The following PISD variants were observed in gnomAD, a reference collection of about 807,000 sequenced individuals.
PISD encodes phosphatidylserine decarboxylase, also known as phosphatidylserine decarboxylase proenzyme, mitochondrial.
A neutral mutation model predicts 43.5 loss-of-function variants in PISD; 31 were observed. The observed-to-expected ratio is 0.71, with a 90% confidence interval of 0.54 to 0.96. The LOEUF (loss-of-function observed/expected upper bound fraction) is 0.96, where lower values mean the gene tolerates loss of function less well. Among genes scored for constraint, PISD ranks in the 40% least tolerant of loss-of-function variants. The probability of loss-of-function intolerance (pLI) is 0.00; values close to 1 mark genes in which losing one functional copy is unlikely to be tolerated. For missense variants in PISD, 523 were observed against 548.4 expected, an observed-to-expected ratio of 0.95 and a Z score of 0.46; for synonymous variants, 259 against 228.7, an observed-to-expected ratio of 1.13 and a Z score of -1.20.
chr22:31,637,162 AAAATATATATATATATATAT>A lies in PISD; in HGVS notation c.321+10919_321+10938del, dbSNP rs1413325979. 2.8e-3 allele frequency among the ~76,000 whole-genome samples: 44 copies of A among 15,472 alleles called. 3 individuals are homozygous for A. The highest frequency in any genetic ancestry group is 9.5e-3 in the Admixed American group (13 of 1,374). The allele number at this position is 15,472 out of a possible 152,430, so 10.2% of individuals were successfully genotyped here. ...ATAAATTAAAAAAAAAAAAAAAAAA[AAAATATATATATATATATAT>A]ATATATATATATATATATATATATA... is the stretch of plus-strand genomic sequence containing the variant. On this transcript the variant is annotated intron_variant, in intron 3 of 7. Coordinates refer to ENST00000439502, the MANE Select transcript of PISD (RefSeq NM_001326411.2).
At chr22:31,620,412 A>G in intron 7 of PISD, 141 bp downstream of exon 7, 1 of 768,316 alleles carries the variant, frequency 1.3e-6, no homozygotes, top group Non-Finnish European at 2.1e-6. Flanking sequence ...TTCTCAGGAC[A>G]GCTGCTCAGC....
At chr22:31,645,641 G>A (rs2073863626) in intron 3 of PISD, among the ~76,000 whole-genome samples, 1 of 147,422 alleles carries the variant, frequency 6.8e-6, no homozygotes, top group African/African-American at 2.5e-5. Flanking sequence ...GCCTCCCAAA[G>A]TGCTGGGATT....
intron 3 of PISD, among the ~76,000 whole-genome samples, chr22:31,642,217 T>C (rs2073754720): frequency 6.6e-6 from 1 of 150,868 alleles, no homozygotes; most frequent in African/African-American, 2.5e-5. Flanking sequence ...TCCCAGCACT[T>C]TGGGAGGCCA....
chr22:31,634,774 G>A (rs989784446), intron 3 of PISD, among the ~76,000 whole-genome samples: 2 of 135,282 alleles, frequency 1.5e-5, no homozygotes, highest in African/African-American at 5.5e-5. Context: ...GGAAGCAGAG[G>A]TTGCAGTGAG....
chr22:31,623,328 A>G (rs999065505), intron 3 of PISD, among the ~76,000 whole-genome samples: 2 of 152,210 alleles, frequency 1.3e-5, no homozygotes, highest in Non-Finnish European at 2.9e-5. Context: ...CTTCTGTTCA[A>G]AATCACCTAT....
intron 1 of PISD, among the ~76,000 whole-genome samples, chr22:31,661,750 T>C (rs1361691660): frequency 6.6e-6 from 1 of 152,060 alleles, no homozygotes; most frequent in East Asian, 1.9e-4. Context: ...GATCCAGAAA[T>C]GAAAGTTGCC....
chr22:31,648,698 G>T (rs1851371879), intron 2 of PISD, among the ~76,000 whole-genome samples: 1 of 151,534 alleles, frequency 6.6e-6, no homozygotes, highest in Admixed American at 6.6e-5. Context: ...CCTCAGTAGA[G>T]GTGACTGGAC....
intron 3 of PISD, among the ~76,000 whole-genome samples, chr22:31,647,096 A>C (rs999298052): frequency 7.2e-5 from 11 of 152,164 alleles, no homozygotes; most frequent in Admixed American, 2.0e-4. Flanking sequence ...GTCAAAATTA[A>C]AGTCCAAAAA....
upstream of PISD, chr22:31,662,237 C>G (rs745809672): frequency 1.9e-6 from 3 of 1,596,328 alleles, no homozygotes; most frequent in Non-Finnish European, 2.6e-6. Flanking sequence ...GCGTGCCACG[C>G]CCCCTTCACA....
chr22:31,622,193 G>A (rs1466254160), intron 3 of PISD, among the ~76,000 whole-genome samples: 1 of 152,210 alleles, frequency 6.6e-6, no homozygotes, highest in African/African-American at 2.4e-5. Context: ...TCTTAAAGTG[G>A]GGGTCGGAAA....
intron 6 of PISD, 79 bp from the exon 7 acceptor site, chr22:31,620,792 C>T: frequency 1.3e-6 from 2 of 1,549,932 alleles, no homozygotes; most frequent in Non-Finnish European, 1.8e-6. Flanking sequence ...CCCAAAGGGA[C>T]TCATGGCCTG....
chr22:31,621,751 T>C lies in PISD; in HGVS notation c.456A>G (p.Lys152=). Residue 152 remains lysine, a synonymous_variant, in exon 4 of 8, where the codon AAA becomes AAG. Transcript: ENST00000439502. The stretch of plus-strand genomic sequence containing the variant: ...GATGCAGGTCCTCCACAGCGGCCTC[T>C]TTCATGTTCACCCCAAACGTCCAGA... ...LYIWTFGVNM[K]EAAVEDLHHY... The C allele has an allele frequency of 6.2e-7, 1 of 1,614,170 alleles. No individual in the cohort carries two copies.
chr22:31,659,390 C>G (rs952073518), intron 1 of PISD, among the ~76,000 whole-genome samples: 1 of 152,154 alleles, frequency 6.6e-6, no homozygotes, highest in Non-Finnish European at 1.5e-5. Context: ...CTTCTCCCTT[C>G]TCTATGGTCC....
intron 3 of PISD, among the ~76,000 whole-genome samples, chr22:31,636,937 A>C (rs1368542269): frequency 2.0e-5 from 3 of 151,276 alleles, no homozygotes. Flanking sequence ...CGGTCTCCCA[A>C]AGTGCTGGGA....
chr22:31,623,693 G>A (rs765802509), intron 3 of PISD: 22 of 1,613,400 alleles, frequency 1.4e-5, no homozygotes, highest in South Asian at 6.6e-5. Context: ...CCCTGCTTAC[G>A]GGCCTCCATC....
At chr22:31,629,464 G>A (rs1015637133) in intron 3 of PISD, among the ~76,000 whole-genome samples, 1 of 151,236 alleles carries the variant, frequency 6.6e-6, no homozygotes, top group African/African-American at 2.4e-5. Context: ...CAAGGTGTGT[G>A]CATGTAGGAG....
At chr22:31,633,583 C>T (rs1282088959) in intron 3 of PISD, among the ~76,000 whole-genome samples, 8 of 152,216 alleles carry the variant, frequency 5.3e-5, no homozygotes, top group African/African-American at 1.4e-4. Context: ...GGCATGGTGG[C>T]GGGCGCCTGT....
intron 2 of PISD, among the ~76,000 whole-genome samples, chr22:31,649,753 A>C (rs935092530): frequency 6.6e-6 from 1 of 152,092 alleles, no homozygotes; most frequent in African/African-American, 2.4e-5. Flanking sequence ...TAAGTAAATA[A>C]ATAAATAAAA....
At chr22:31,660,871 T>A (rs978079410) in intron 1 of PISD, among the ~76,000 whole-genome samples, 27 of 152,182 alleles carry the variant, frequency 1.8e-4, no homozygotes, top group African/African-American at 6.5e-4. Flanking sequence ...GTAGCTGGGA[T>A]TACAGGTGCC....
Sources: allele counts gnomAD v4.1 joint callset (sites outside exome capture counted in the v4.1 genomes callset), GRCh38; gene constraint gnomAD v4.1.1; transcripts MANE v1.5; gene names NCBI Gene and HGNC (gene_info 2026-07-23, HGNC 2026-07-21).